The following GPR137 variants were observed in gnomAD, a reference collection of about 807,000 sequenced individuals.
The protein encoded by GPR137 is integral membrane protein GPR137.
A neutral mutation model predicts 38.9 loss-of-function variants in GPR137; 20 were observed. That is an observed-to-expected ratio of 0.51 (90% CI 0.36 to 0.75). The LOEUF (loss-of-function observed/expected upper bound fraction) is 0.75. Among genes scored for constraint, GPR137 ranks in the 30% least tolerant of loss-of-function variants. The pLI is 0.00. For synonymous variants in GPR137, 226 were observed against 235.8 expected (o/e 0.96, Z 0.38); for missense variants, 456 against 526.4 (o/e 0.87, Z 1.31).
upstream of GPR137, among the ~76,000 whole-genome samples, chr11:64,281,600 T>C (rs982671375): frequency 6.6e-6 from 1 of 152,138 alleles, no homozygotes; most frequent in Non-Finnish European, 1.5e-5. Context: ...CATCTGCCCT[T>C]CTCTCTGCCT....
At chr11:64,284,763 G>A (rs1379917333), upstream of GPR137, 21 of 1,535,460 alleles carry the variant, frequency 1.4e-5, no homozygotes, top group South Asian at 1.2e-5. Context: ...ACGTCACTCG[G>A]GTAGGTCCAG....
At chr11:64,287,984 TC>T in intron 3 of GPR137, 38 bp downstream of exon 3, 1 of 1,601,468 alleles carries the variant, frequency 6.2e-7, no homozygotes, top group Non-Finnish European at 8.5e-7. Context: ...GTCTTTTGGG[TC>T]TCTCGGCAGC....
upstream of GPR137, among the ~76,000 whole-genome samples, chr11:64,280,483 C>G (rs1409433230): frequency 6.8e-6 from 1 of 146,438 alleles, no homozygotes; most frequent in East Asian, 2.1e-4. Context: ...TCCCGAGTAG[C>G]TGGGACTATA....
At position 64,289,477 on chromosome 11, in the gene GPR137, C is replaced by T; in HGVS notation, c.*281C>T. ...TCTCCTGTGCCTGCCACTCAATAAA[C>T]AGTGTCTGCGCCCCACAGTTGTGCA... On this transcript the variant is annotated 3_prime_UTR_variant, in exon 7 of 7. Coordinates refer to ENST00000438980, the MANE Select transcript of GPR137 (RefSeq NM_001170880.2). 1 of 1,468,440 alleles carries T rather than the reference C, an allele frequency of 6.8e-7. No individual in the cohort carries two copies. Among genetic ancestry groups the T allele is most frequent in the South Asian group, 1.4e-5 (1 of 72,878 alleles). 91.0% of individuals were successfully genotyped at this position (1,468,440 alleles called of 1,614,324 possible).
At chr11:64,285,685 T>G (rs887314), upstream of GPR137, 350,577 of 984,704 alleles carry the variant, frequency 0.36, 65,585 homozygotes, top group Non-Finnish European at 0.38. Context: ...TCGGCCGCCC[T>G]CCTGCCGCCT....
chr11:64,271,381 TCA>T (rs58303026), upstream of GPR137, among the ~76,000 whole-genome samples: 13,092 of 60,182 alleles, frequency 0.22, 2,022 homozygotes, highest in Middle Eastern at 0.38. Context: ...GCCCTGTGAC[TCA>T]CACACACACA....
chr11:64,284,290 C>A, upstream of GPR137: 5 of 1,611,918 alleles, frequency 3.1e-6, no homozygotes, highest in Non-Finnish European at 4.2e-6. Flanking sequence ...CCGTCCCCTG[C>A]GGGGCTGGGG....
rs1235210619 is a variant in GPR137, at chr11:64,286,611, C to T, written c.87C>T (p.Ala29=). 1.2e-6 allele frequency: 2 copies of T among 1,614,040 alleles called. No individual in the cohort carries two copies. The highest frequency in any genetic ancestry group is 2.2e-5 in the East Asian group (1 of 44,882). Residue 29 remains alanine (A), a synonymous_variant, in exon 1 of 7, where the codon GCC becomes GCT. Transcript: ENST00000438980. ...PPAVTLGLTA[A]YTTLYALLFF... is the part of the protein sequence containing the mutation. ...CTGTGACCCTGGGGCTGACAGCTGC[C>T]TACACCACCCTGTATGCCCTGCTCT...
At chr11:64,285,300 G>A, upstream of GPR137, 1 of 985,896 alleles carries the variant, frequency 1.0e-6, no homozygotes, top group African/African-American at 1.7e-5. Flanking sequence ...GGCTGCCCGG[G>A]CGCGGGAGGA....
In GPR137 at chr11:64,286,653, C is replaced by A. The variant is rs138065776; in HGVS notation, c.129C>A (p.Ala43=). 3,795 of 1,614,058 alleles carry A rather than the reference C, an allele frequency of 2.4e-3. 8 individuals are homozygous for A. Among genetic ancestry groups the A allele is most frequent in the Non-Finnish European group, 3.0e-3 (3,489 of 1,179,948 alleles). The change falls in exon 1 of 7, where the codon GCC becomes GCA. Residue 43 remains alanine, a synonymous_variant. Coordinates refer to ENST00000438980, the MANE Select transcript of GPR137 (RefSeq NM_001170880.2). ...LYALLFFSVY[A]QLWLVLLYGH... ...CCCTGCTCTTCTTCTCCGTCTATGC[C>A]CAGCTCTGGCTGGTGCTTCTGTATG... is the stretch of plus-strand genomic sequence containing the variant.
chr11:64,285,363 T>A (rs1218529870), upstream of GPR137: 38 of 984,872 alleles, frequency 3.9e-5, no homozygotes, highest in Non-Finnish European at 4.3e-5. Flanking sequence ...GCTTCACGCC[T>A]GGCAGGCGGC....
upstream of GPR137, among the ~76,000 whole-genome samples, chr11:64,280,880 C>T (rs551860263): frequency 8.6e-5 from 13 of 150,428 alleles, no homozygotes; most frequent in Non-Finnish European, 1.5e-4. Context: ...GTTGGCCAGG[C>T]TGTTCTTGAA....
chr11:64,276,964 T>C (rs1434894256), intron 2 of GPR137: 4 of 749,438 alleles, frequency 5.3e-6, no homozygotes, highest in Non-Finnish European at 9.9e-6. Flanking sequence ...CGGACATCCC[T>C]GCTGATGCTT....
upstream of GPR137, among the ~76,000 whole-genome samples, chr11:64,280,819 C>G (rs952559889): frequency 6.6e-6 from 1 of 151,902 alleles, no homozygotes; most frequent in Non-Finnish European, 1.5e-5. Context: ...AGGCGCCCAC[C>G]ACCACATCCA....
chr11:64,280,615 T>C (rs1022972598), upstream of GPR137, among the ~76,000 whole-genome samples: 6 of 151,352 alleles, frequency 4.0e-5, no homozygotes, highest in Admixed American at 6.6e-5. Flanking sequence ...CCTCCCAAAG[T>C]GCTGGGATTA....
At chr11:64,276,317 T>TAC (rs1272869195) in intron 1 of GPR137, 1 of 151,998 alleles carries the variant, frequency 6.6e-6, no homozygotes, top group Admixed American at 6.6e-5. Context: ...TGTGTGTGTA[T>TAC]ATATATATAT....
rs1591217614 is a variant in GPR137, at chr11:64,289,031, C to T, written c.1032-6C>T. 2 of 1,546,074 alleles carry T rather than the reference C, an allele frequency of 1.3e-6. No homozygotes were observed. Among genetic ancestry groups the T allele is most frequent in the Non-Finnish European group, 1.7e-6 (2 of 1,149,958 alleles). On this transcript the variant is annotated splice_polypyrimidine_tract_variant and splice_region_variant and intron_variant, in intron 6 of 6. Transcript: ENST00000438980. ...TCCTGAGACTGACCCTGTTTCTCTG[C>T]TGCAGTATGTCGGGCAGTCTAGGCT...
At chr11:64,277,018 C>T (rs776752711) in intron 2 of GPR137, 82 of 717,082 alleles carry the variant, frequency 1.1e-4, no homozygotes, top group Non-Finnish European at 2.9e-5. Context: ...CCTCAGATTC[C>T]CAAGAAGGAG....
Position 64,289,271 on chromosome 11 carries a change from C to T in GPR137, c.*75C>T, listed in dbSNP as rs762705422. The T allele has an allele frequency of 4.4e-5, 71 of 1,613,370 alleles. No individual in the cohort carries two copies. The Admixed American group carries it at 5.2e-4, about 12-fold the overall frequency. On this transcript the variant is annotated 3_prime_UTR_variant, in exon 7 of 7. Coordinates refer to ENST00000438980, the MANE Select transcript of GPR137 (RefSeq NM_001170880.2). ...AGGCCCCTGTGCCAAGTTTGTCTGCCGCTTCTTGCCCAGGATCCTGGGGGT... is the reference window on the plus strand; with the variant it reads ...AGGCCCCTGTGCCAAGTTTGTCTGCTGCTTCTTGCCCAGGATCCTGGGGGT...
Sources: gnomAD v4.1 joint callset for allele counts (sites outside exome capture counted in the v4.1 genomes callset) on GRCh38, gnomAD v4.1.1 for gene constraint, MANE v1.5 for transcripts, NCBI Gene and HGNC (gene_info 2026-07-23, HGNC 2026-07-21) for gene names.